Variants in TBC1D5 observed in about 807,000 individuals in gnomAD.
TBC1D5 encodes the protein TBC1 domain family member 5, also known as TBC1 domain family, member 5.
TBC1D5 carries 75 observed loss-of-function variants against 100.3 expected under a neutral mutation model. That is an observed-to-expected ratio of 0.75 (90% confidence interval 0.62 to 0.91). The LOEUF (loss-of-function observed/expected upper bound fraction) is 0.91. Ranked by LOEUF, TBC1D5 falls within the 40% of genes least tolerant of loss-of-function variation. The pLI is 0.00. For missense variants in TBC1D5, 910 were observed against 942.4 expected, an observed-to-expected ratio of 0.97 and a Z score of 0.45; for synonymous variants, 323 against 325.6, an observed-to-expected ratio of 0.99 and a Z score of 0.09.
At chr3:17,604,022 C>G (rs1302268032) in intron 2 of TBC1D5, among the ~76,000 whole-genome samples, 1 of 152,174 alleles carries the variant, frequency 6.6e-6, no homozygotes, top group Non-Finnish European at 1.5e-5. Context: ...TTCATGAAGC[C>G]AAGAACCCAA....
chr3:17,238,820 G>A (rs1284388145), intron 16 of TBC1D5, among the ~76,000 whole-genome samples: 1 of 152,116 alleles, frequency 6.6e-6, no homozygotes, highest in African/African-American at 2.4e-5. Flanking sequence ...GGCTAGGCAA[G>A]TCATGGGGTC....
intron 2 of TBC1D5, among the ~76,000 whole-genome samples, chr3:17,571,661 C>T (rs1328603796): frequency 6.6e-6 from 1 of 152,030 alleles, no homozygotes; most frequent in African/African-American, 2.4e-5. Context: ...TTCCAACACT[C>T]ACAATCTCAC....
At chr3:17,326,528 AG>A (rs2086163991) in intron 13 of TBC1D5, among the ~76,000 whole-genome samples, 1 of 152,210 alleles carries the variant, frequency 6.6e-6, no homozygotes, top group Admixed American at 6.5e-5. Flanking sequence ...GCTGGAGTAT[AG>A]CTGTACAATC....
intron 2 of TBC1D5, among the ~76,000 whole-genome samples, chr3:17,607,501 C>T (rs960401587): frequency 1.3e-5 from 2 of 150,920 alleles, no homozygotes; most frequent in African/African-American, 4.9e-5. Flanking sequence ...TTGAAACCTG[C>T]AGTTCTCAGA....
chr3:17,594,848 G>A (rs938217856), intron 2 of TBC1D5, among the ~76,000 whole-genome samples: 2 of 152,136 alleles, frequency 1.3e-5, no homozygotes, highest in African/African-American at 4.8e-5. Flanking sequence ...GGGTGGACGT[G>A]TGATGGTTAA....
chr3:17,161,605 C>T (rs953644707), intron 21 of TBC1D5, among the ~76,000 whole-genome samples: 33 of 152,388 alleles, frequency 2.2e-4, no homozygotes, highest in Non-Finnish European at 3.7e-4. Flanking sequence ...TCCCTACCAG[C>T]GTCATGTGGG....
At chr3:17,500,751 T>C (rs1219486733) in intron 3 of TBC1D5, among the ~76,000 whole-genome samples, 1 of 149,514 alleles carries the variant, frequency 6.7e-6, no homozygotes, top group Non-Finnish European at 1.5e-5. Flanking sequence ...ACTTCCTCTA[T>C]CCAAGTTCTA....
intron 3 of TBC1D5, among the ~76,000 whole-genome samples, chr3:17,441,809 C>T (rs572256618): frequency 1.3e-5 from 2 of 152,170 alleles, no homozygotes; most frequent in African/African-American, 4.8e-5. Context: ...TTGCTTTCTA[C>T]CTAGATTAGT....
At chr3:17,269,280 G>T (rs528726247) in intron 15 of TBC1D5, among the ~76,000 whole-genome samples, 19 of 152,142 alleles carry the variant, frequency 1.2e-4, no homozygotes, top group African/African-American at 3.9e-4. Flanking sequence ...GAATGCTCAC[G>T]AACAGTGAAG....
At chr3:17,531,132 G>A (rs576435285) in intron 2 of TBC1D5, among the ~76,000 whole-genome samples, 202 of 152,224 alleles carry the variant, frequency 1.3e-3, no homozygotes, top group African/African-American at 4.7e-3. Flanking sequence ...CAACTTCAGG[G>A]AAGTCTCAGG....
chr3:17,688,586 G>C (rs954633809), intron 1 of TBC1D5, among the ~76,000 whole-genome samples: 5 of 152,120 alleles, frequency 3.3e-5, no homozygotes, highest in African/African-American at 1.2e-4. Flanking sequence ...TTTACCAACC[G>C]GGGCAAAACA....
At chr3:17,693,537 T>C (rs981366275) in intron 1 of TBC1D5, among the ~76,000 whole-genome samples, 8 of 151,534 alleles carry the variant, frequency 5.3e-5, no homozygotes, top group African/African-American at 1.9e-4. Context: ...GGGAGGGGCG[T>C]CCCCCATCGC....
At chr3:17,244,641 A>G (rs2076575244) in intron 16 of TBC1D5, among the ~76,000 whole-genome samples, 1 of 152,180 alleles carries the variant, frequency 6.6e-6, no homozygotes, top group African/African-American at 2.4e-5. Flanking sequence ...AAATAAATTG[A>G]TGCCACTAAA....
chr3:17,352,874 C>A (rs1290274701), intron 13 of TBC1D5, among the ~76,000 whole-genome samples: 1 of 152,008 alleles, frequency 6.6e-6, no homozygotes. Context: ...AGAGCTAATA[C>A]CACTCAAGTC....
chr3:17,702,635 GTAGA>G (rs1449962387), intron 1 of TBC1D5, among the ~76,000 whole-genome samples: 1 of 152,094 alleles, frequency 6.6e-6, no homozygotes, highest in African/African-American at 2.4e-5. Flanking sequence ...GGCATACATA[GTAGA>G]TAAACTAAAC....
At chr3:17,467,726 T>A (rs867617243) in intron 3 of TBC1D5, among the ~76,000 whole-genome samples, 3 of 151,104 alleles carry the variant, frequency 2.0e-5, no homozygotes, top group African/African-American at 7.3e-5. Flanking sequence ...AATACAAAAA[T>A]AATAATAATA....
At chr3:17,172,414 C>A (rs922750238) in intron 19 of TBC1D5, among the ~76,000 whole-genome samples, 1 of 152,232 alleles carries the variant, frequency 6.6e-6, no homozygotes, top group African/African-American at 2.4e-5. Context: ...TGATGTCTTT[C>A]CATGGCTTAA....
At chr3:17,570,530 T>C (rs1363665961) in intron 2 of TBC1D5, among the ~76,000 whole-genome samples, 2 of 152,006 alleles carry the variant, frequency 1.3e-5, no homozygotes, top group Non-Finnish European at 2.9e-5. Flanking sequence ...ACAGTGAATA[T>C]TCACATACCC....
intron 18 of TBC1D5, among the ~76,000 whole-genome samples, chr3:17,209,151 C>G (rs1023832470): frequency 6.6e-6 from 1 of 152,154 alleles, no homozygotes; most frequent in Admixed American, 6.5e-5. Context: ...ATCTATGTAT[C>G]TATCTAGTCT....
Sources: allele counts gnomAD v4.1 joint callset (sites outside exome capture counted in the v4.1 genomes callset), GRCh38; gene constraint gnomAD v4.1.1; transcripts MANE v1.5; gene names NCBI Gene and HGNC (gene_info 2026-07-23, HGNC 2026-07-21).